HSD17B2: variants seen among roughly 807,000 people sequenced by gnomAD.
The protein encoded by HSD17B2 is hydroxysteroid 17-beta dehydrogenase 2, also known as 17-beta-hydroxysteroid dehydrogenase type 2.
HSD17B2 carries 32 observed loss-of-function variants against 26.9 expected under a neutral mutation model. The observed-to-expected ratio is 1.19, with a 90% CI of 0.90 to 1.60. The LOEUF is 1.60. HSD17B2 is among the 40% of genes most tolerant of loss of function. HSD17B2 has a pLI of 0.00. For missense variants in HSD17B2, 613 were observed against 468.6 expected (o/e 1.31, Z -2.85); for synonymous variants, 246 against 186.7 (o/e 1.32, Z -2.59).
chr16:82,083,059 C>A (rs187479961), intron 3 of HSD17B2, among the ~76,000 whole-genome samples: 1 of 152,116 alleles, frequency 6.6e-6, no homozygotes, highest in Non-Finnish European at 1.5e-5. Flanking sequence ...CCTTATTGAC[C>A]ATTTTTTGCT....
At chr16:82,091,199 G>A in intron 4 of HSD17B2, 160 bp downstream of exon 4, 2 of 761,530 alleles carry the variant, frequency 2.6e-6, no homozygotes, top group South Asian at 1.4e-5. Flanking sequence ...TTCAGTAACT[G>A]CTGACAGTAG....
At chr16:82,077,763 GA>G (rs1331730366) in intron 3 of HSD17B2, among the ~76,000 whole-genome samples, 1 of 146,052 alleles carries the variant, frequency 6.8e-6, no homozygotes, top group African/African-American at 2.5e-5. Flanking sequence ...AGAAAGAAAA[GA>G]AAGAAAGAAA....
At chr16:82,092,097 T>G (rs1904711048) in intron 4 of HSD17B2, 1 of 152,234 alleles carries the variant, frequency 6.6e-6, no homozygotes, top group African/African-American at 2.4e-5. Flanking sequence ...AGTTTCATAC[T>G]AGGTTTCTTT....
chr16:82,063,110 G>A (rs1211504378), intron 1 of HSD17B2: 1 of 152,208 alleles, frequency 6.6e-6, no homozygotes, highest in African/African-American at 2.4e-5. Flanking sequence ...GTGAGGAAGT[G>A]GAGGTTCCAC....
intron 3 of HSD17B2, among the ~76,000 whole-genome samples, chr16:82,074,848 G>A (rs1239185310): frequency 2.0e-5 from 3 of 152,124 alleles, no homozygotes; most frequent in East Asian, 1.9e-4. Flanking sequence ...TAGACCAAAT[G>A]GACCTAATTG....
At chr16:82,074,099 G>T (rs1233430744) in intron 3 of HSD17B2, among the ~76,000 whole-genome samples, 5 of 152,230 alleles carry the variant, frequency 3.3e-5, no homozygotes, top group Admixed American at 2.6e-4. Context: ...AAGCAATGGG[G>T]GTAAGGATTC....
At chr16:82,090,826 A>ACACTG in intron 3 of HSD17B2, 76 bp from the exon 4 acceptor site, 1 of 1,354,224 alleles carries the variant, frequency 7.4e-7, no homozygotes. Flanking sequence ...CATACAGTAG[A>ACACTG]CACTGATTAA....
At chr16:82,093,594 T>G (rs1392873212) in intron 4 of HSD17B2, 1 of 152,212 alleles carries the variant, frequency 6.6e-6, no homozygotes, top group Non-Finnish European at 1.5e-5. Flanking sequence ...GCTTGAATTT[T>G]CCCATGACAC....
intron 1 of HSD17B2, among the ~76,000 whole-genome samples, chr16:82,047,192 C>T (rs1913958594): frequency 2.0e-5 from 3 of 152,236 alleles, no homozygotes. Context: ...CATAAGTGCT[C>T]TGTGCTCATG....
chr16:82,071,722 A>G (rs1489524413), intron 3 of HSD17B2: 1 of 163,474 alleles, frequency 6.1e-6, no homozygotes, highest in Non-Finnish European at 1.3e-5. Flanking sequence ...TTCATAAAAA[A>G]TGCCCATGCG....
chr16:82,094,651 T>C (rs1036646637), intron 4 of HSD17B2: 4 of 152,244 alleles, frequency 2.6e-5, no homozygotes, highest in Admixed American at 6.5e-5. Flanking sequence ...TGACACTTCA[T>C]ACTTATATTT....
In HSD17B2 at chr16:82,071,042, C is replaced by T; in HGVS notation, c.579C>T (p.Phe193=). The change falls in exon 3 of 5, where the codon TTC becomes TTT. Residue 193 remains phenylalanine, a synonymous_variant. Coordinates refer to ENST00000199936, the MANE Select transcript of HSD17B2 (RefSeq NM_002153.3). ...ACAAACAATGCATGGCCGTGAACTTCTTTGGAACTGTGGAGGTCACAAAGA... is the reference window on the plus strand; with the variant it reads ...ACAAACAATGCATGGCCGTGAACTTTTTTGGAACTGTGGAGGTCACAAAGA... ...TDYKQCMAVN[F]FGTVEVTKTF... is the part of the protein sequence containing the mutation. 2 of 1,614,210 alleles carry T rather than the reference C, an allele frequency of 1.2e-6. No homozygotes were observed. Among genetic ancestry groups the T allele is most frequent in the South Asian group, 2.2e-5 (2 of 91,082 alleles).
intron 3 of HSD17B2, among the ~76,000 whole-genome samples, chr16:82,081,057 A>T (rs1163136041): frequency 1.3e-5 from 2 of 151,176 alleles, no homozygotes; most frequent in East Asian, 3.9e-4. Flanking sequence ...TTCTTTCCTC[A>T]TCTTTCCCTC....
intron 3 of HSD17B2, chr16:82,090,134 C>T (rs1214278271): frequency 3.1e-6 from 2 of 654,398 alleles, no homozygotes; most frequent in Non-Finnish European, 3.8e-6. Context: ...CTCGTTGCAA[C>T]AAGTATTGAG....
intron 1 of HSD17B2, among the ~76,000 whole-genome samples, chr16:82,047,037 C>T (rs1201514829): frequency 6.6e-6 from 1 of 152,220 alleles, no homozygotes; most frequent in Non-Finnish European, 1.5e-5. Flanking sequence ...CGCATTCAGA[C>T]ACAGAATCTT....
At chr16:82,059,817 T>C (rs8191106) in intron 1 of HSD17B2, among the ~76,000 whole-genome samples, 67 of 152,138 alleles carry the variant, frequency 4.4e-4, no homozygotes, top group Non-Finnish European at 7.6e-4. Flanking sequence ...AAGTGTTTAA[T>C]TTCCCGGGCA....
chr16:82,095,913 A>C (rs1211398523), intron 4 of HSD17B2: 2 of 152,334 alleles, frequency 1.3e-5, no homozygotes, highest in Non-Finnish European at 2.9e-5. Flanking sequence ...ACAAGGAAGG[A>C]ATGTAGAAGG....
intron 4 of HSD17B2, chr16:82,095,386 C>T (rs887835894): frequency 1.3e-5 from 2 of 152,514 alleles, no homozygotes; most frequent in Non-Finnish European, 2.9e-5. Context: ...AGTGAGCATC[C>T]CTCCTTCTCT....
Position 82,035,330 on chromosome 16 carries a change from ACT to A in HSD17B2, c.-90_-89del, listed in dbSNP as rs983200192. ...GGCTGCTTTCTCCCCTCCCTTCTTG[ACT>A]CTCTGTTCACAGAACTCAGGCTGCC... On this transcript the variant is annotated 5_prime_UTR_variant, in exon 1 of 5. It removes the in-frame stop codon of an upstream open reading frame in the 5' UTR. Transcript: ENST00000199936. 112 of 1,210,924 alleles carry A rather than the reference ACT, an allele frequency of 9.2e-5. No homozygotes were observed. The highest frequency in any genetic ancestry group is 3.0e-5 in the African/African-American group (2 of 66,190). 75.0% of individuals were successfully genotyped at this position (1,210,924 alleles called of 1,614,324 possible).
Sources: gnomAD v4.1 joint callset for allele counts (sites outside exome capture counted in the v4.1 genomes callset) on GRCh38, gnomAD v4.1.1 for gene constraint, MANE v1.5 for transcripts, NCBI Gene and HGNC (gene_info 2026-07-23, HGNC 2026-07-21) for gene names.